Variants in TCF4 observed in about 807,000 individuals in gnomAD.
The protein encoded by TCF4 is SL3-3 enhancer factor 2.
In TCF4, 3 loss-of-function variants were observed where a neutral mutation model predicts 82.1. The observed-to-expected ratio is 0.04, with a 90% CI of 0.02 to 0.09. The LOEUF is 0.09. TCF4 is among the 10% of genes least tolerant of loss of function. TCF4 has a pLI of 1.00. For missense variants in TCF4, 518 were observed against 852.7 expected, an observed-to-expected ratio of 0.61 and a Z score of 4.89; for synonymous variants, 276 against 309.6, an observed-to-expected ratio of 0.89 and a Z score of 1.14.
chr18:55,223,207 C>T lies in TCF4; in HGVS notation c.*4828G>A, dbSNP rs2046098771. 1 of 152,176 alleles carries T rather than the reference C, an allele frequency of 6.6e-6. No homozygotes were observed. Among genetic ancestry groups the T allele is most frequent in the Admixed American group, 6.5e-5 (1 of 15,276 alleles). 9.4% of individuals were successfully genotyped at this position (152,176 alleles called of 1,614,324 possible). ...ATTATATTCCTTCAATTAGTTAATCCTCTAGACAGTTTTCTTTTTGTTTTG... is the reference window on the plus strand; with the variant it reads ...ATTATATTCCTTCAATTAGTTAATCTTCTAGACAGTTTTCTTTTTGTTTTG... On this transcript the variant is annotated 3_prime_UTR_variant, in exon 20 of 20. Coordinates refer to ENST00000354452, the MANE Select transcript of TCF4 (RefSeq NM_001083962.2).
intron 3 of TCF4, among the ~76,000 whole-genome samples, chr18:55,581,882 C>T (rs1162024080): frequency 6.6e-6 from 1 of 152,050 alleles, no homozygotes; most frequent in Admixed American, 6.6e-5. Context: ...TTTAACAATA[C>T]CTGAACACCT....
At chr18:55,478,313 G>C (rs181390219) in intron 3 of TCF4, among the ~76,000 whole-genome samples, 1 of 152,186 alleles carries the variant, frequency 6.6e-6, no homozygotes, top group Non-Finnish European at 1.5e-5. Context: ...TGGGAAAATA[G>C]CCACTAAGCC....
At chr18:55,558,409 T>C (rs1039371925) in intron 3 of TCF4, among the ~76,000 whole-genome samples, 1 of 152,210 alleles carries the variant, frequency 6.6e-6, no homozygotes, top group Non-Finnish European at 1.5e-5. Flanking sequence ...ATATTTCTAC[T>C]GTCATTTTCC....
At chr18:55,479,702 C>G (rs1175692150) in intron 3 of TCF4, among the ~76,000 whole-genome samples, 2 of 152,146 alleles carry the variant, frequency 1.3e-5, no homozygotes, top group Non-Finnish European at 1.5e-5. Context: ...ATGGAAGAAG[C>G]CAGGCTAGGA....
chr18:55,365,930 CTA>C (rs893645130), intron 6 of TCF4, among the ~76,000 whole-genome samples: 170 of 151,742 alleles, frequency 1.1e-3, no homozygotes, highest in African/African-American at 4.0e-3. Context: ...AACAAAAAAA[CTA>C]TTTTTGTGTG....
chr18:55,299,273 G>A (rs1274823890), intron 8 of TCF4, among the ~76,000 whole-genome samples: 2 of 152,036 alleles, frequency 1.3e-5, no homozygotes, highest in Admixed American at 1.3e-4. Flanking sequence ...TTAGCCAGGT[G>A]TGGTGGTGGA....
chr18:55,584,343 CTGTTATATACCAT>C (rs2097610677), intron 3 of TCF4, among the ~76,000 whole-genome samples: 2 of 152,106 alleles, frequency 1.3e-5, no homozygotes, highest in African/African-American at 4.8e-5. Context: ...GCCTAATGTA[CTGTTATATACCAT>C]TGCCAGAACT....
chr18:55,552,615 G>A (rs554053729), intron 3 of TCF4, among the ~76,000 whole-genome samples: 85 of 152,340 alleles, frequency 5.6e-4, no homozygotes, highest in African/African-American at 2.0e-3. Context: ...AAACGCTGCA[G>A]AAATGAAATG....
chr18:55,424,584 A>G (rs999060028), intron 5 of TCF4, among the ~76,000 whole-genome samples: 6 of 152,150 alleles, frequency 3.9e-5, no homozygotes, highest in African/African-American at 1.2e-4. Flanking sequence ...CTAAGGGGGG[A>G]GCAGAGAAAG....
In TCF4 at chr18:55,366,780, C is replaced by T. The variant is rs558653608; in HGVS notation, c.370-15777G>A. 9.2e-5 allele frequency among the ~76,000 whole-genome samples: 14 copies of T among 152,242 alleles called. No individual in the cohort carries two copies. In the South Asian group the frequency reaches 2.5e-3, roughly 27 times the overall value. On this transcript the variant is annotated intron_variant, in intron 6 of 19. Coordinates refer to ENST00000354452, the MANE Select transcript of TCF4 (RefSeq NM_001083962.2). ...GTGTAGCATTTTACTTTATTGTTTG[C>T]CATAGGGTCATTTTTTTCATTGCTG... is the stretch of plus-strand genomic sequence containing the variant.
intron 5 of TCF4, among the ~76,000 whole-genome samples, chr18:55,439,884 G>A (rs7236656): frequency 0.54 from 81,576 of 151,886 alleles, 23,257 homozygotes; most frequent in South Asian, 0.62. Flanking sequence ...CACCACGCCT[G>A]GCTAATTTTT....
chr18:55,516,497 TAGA>T (rs767965161), intron 3 of TCF4, among the ~76,000 whole-genome samples: 16 of 152,110 alleles, frequency 1.1e-4, no homozygotes, highest in Non-Finnish European at 1.9e-4. Flanking sequence ...TATGCAACTG[TAGA>T]AGGTTAGCCT....
chr18:55,254,862 G>A (rs1486634981), intron 14 of TCF4, among the ~76,000 whole-genome samples, 162 bp from the exon 15 acceptor site: 1 of 152,152 alleles, frequency 6.6e-6, no homozygotes, highest in African/African-American at 2.4e-5. Context: ...GTTGTTTCCA[G>A]AAAACTGGTA....
intron 3 of TCF4, among the ~76,000 whole-genome samples, chr18:55,503,957 C>T (rs151303750): frequency 8.5e-5 from 13 of 152,228 alleles, no homozygotes; most frequent in African/African-American, 3.1e-4. Flanking sequence ...TGCCTGTAGT[C>T]CCGCTACTGA....
chr18:55,586,865 T>A, intron 2 of TCF4, 180 bp downstream of exon 2: 1 of 564,968 alleles, frequency 1.8e-6, no homozygotes, highest in Non-Finnish European at 3.1e-6. Flanking sequence ...GCCTGAATCT[T>A]CCATCACACC....
At chr18:55,294,883 G>C (rs770866022) in intron 8 of TCF4, among the ~76,000 whole-genome samples, 29 of 152,212 alleles carry the variant, frequency 1.9e-4, no homozygotes, top group Middle Eastern at 3.4e-3. Context: ...GCCTGTGTCC[G>C]GATTTTTAAA....
At chr18:55,488,195 G>A (rs1178740243) in intron 3 of TCF4, among the ~76,000 whole-genome samples, 1 of 152,090 alleles carries the variant, frequency 6.6e-6, no homozygotes, top group African/African-American at 2.4e-5. Context: ...GTTTTCATTG[G>A]CTATAGTCTA....
intron 6 of TCF4, among the ~76,000 whole-genome samples, chr18:55,389,994 C>A (rs1204711335): frequency 6.6e-6 from 1 of 152,112 alleles, no homozygotes; most frequent in Non-Finnish European, 1.5e-5. Flanking sequence ...GATGGAAGAA[C>A]TAATCCCGAC....
intron 6 of TCF4, among the ~76,000 whole-genome samples, chr18:55,360,556 C>T (rs1223383332): frequency 6.6e-6 from 1 of 152,088 alleles, no homozygotes. Flanking sequence ...ATATTTTAGT[C>T]ATTGCTGGCC....
Sources: gnomAD v4.1 joint callset for allele counts (sites outside exome capture counted in the v4.1 genomes callset) on GRCh38, gnomAD v4.1.1 for gene constraint, MANE v1.5 for transcripts, NCBI Gene and HGNC (gene_info 2026-07-23, HGNC 2026-07-21) for gene names.